Variants in CDC42BPG observed in about 807,000 individuals in gnomAD.
CDC42BPG encodes serine/threonine-protein kinase MRCK gamma.
In CDC42BPG, 157 loss-of-function variants were observed where a neutral mutation model predicts 192.2. That is an observed-to-expected ratio of 0.82 (90% CI 0.72 to 0.93). CDC42BPG has a LOEUF of 0.93. Among genes scored for constraint, CDC42BPG ranks in the 40% least tolerant of loss-of-function variants. CDC42BPG has a pLI of 0.00. For synonymous variants in CDC42BPG, 981 were observed against 918.5 expected (o/e 1.07, Z -1.23); for missense variants, 1,992 against 2,122.1 (o/e 0.94, Z 1.20).
chr11:64,827,805 C>CT, intron 30 of CDC42BPG, 22 bp from the exon 31 acceptor site: 6 of 1,576,914 alleles, frequency 3.8e-6, no homozygotes, highest in Non-Finnish European at 5.2e-6. Context: ...CCAGGCACCT[C>CT]TGAGCTGTTT....
rs1054368196 is a variant in CDC42BPG, at chr11:64,840,112, G to A, written c.581+8C>T. 1 of 1,609,894 alleles carries A rather than the reference G, an allele frequency of 6.2e-7. No individual in the cohort carries two copies. Among genetic ancestry groups the A allele is most frequent in the South Asian group, 1.1e-5 (1 of 90,732 alleles). The stretch of plus-strand genomic sequence containing the variant: ...GGGTTGGGCAGGGCAGCGGGGTTGG[G>A]GCCCCACCTGTGGACATAACCCAGC... On this transcript the variant is annotated splice_region_variant and intron_variant, in intron 5 of 36. Coordinates refer to ENST00000342711, the MANE Select transcript of CDC42BPG (RefSeq NM_017525.3).
intron 21 of CDC42BPG, 24 bp from the exon 22 acceptor site, chr11:64,833,860 A>G: frequency 1.9e-6 from 3 of 1,614,198 alleles, no homozygotes; most frequent in Non-Finnish European, 2.5e-6. Flanking sequence ...AGAGAGGAGC[A>G]AAGTCAAGGT....
At chr11:64,842,115 C>T (rs765970801) in intron 1 of CDC42BPG, among the ~76,000 whole-genome samples, 2 of 152,198 alleles carry the variant, frequency 1.3e-5, no homozygotes, top group Non-Finnish European at 2.9e-5. Flanking sequence ...GCTCAGCTGA[C>T]CGCCTGGTCC....
rs1942831284 is a variant in CDC42BPG at position 64,833,793 on chromosome 11, C to T, written c.2510G>A (p.Arg837Lys). The change falls in exon 22 of 37, where the codon AGG becomes AAG. Residue 837 changes from arginine to lysine, a missense_variant. Around this residue, in one of 2 missense-constraint regions of CDC42BPG, gnomAD observed 1,656 missense variants for 1,844.3 expected, o/e 0.90. Transcript: ENST00000342711. ...KDPGISGEAT[R>K]HGGEPDLRPE... ...CCTCAGATCTGGCTCTCCTCCATGCCTTGTGGCCTCTCCTGAGATGCCAGG... is the reference window on the plus strand; with the variant it reads ...CCTCAGATCTGGCTCTCCTCCATGCTTTGTGGCCTCTCCTGAGATGCCAGG... 1.2e-6 allele frequency: 2 copies of T among 1,614,248 alleles called. No individual in the cohort carries two copies. Among genetic ancestry groups the T allele is most frequent in the Non-Finnish European group, 1.7e-6 (2 of 1,180,040 alleles).
chr11:64,833,171 G>A, intron 24 of CDC42BPG, 60 bp downstream of exon 24: 1 of 1,363,416 alleles, frequency 7.3e-7, no homozygotes, highest in Non-Finnish European at 1.0e-6. Flanking sequence ...AAACAGCCTG[G>A]GTATGCCAGG....
intron 1 of CDC42BPG, among the ~76,000 whole-genome samples, chr11:64,843,681 G>A (rs908199448): frequency 2.0e-5 from 3 of 152,198 alleles, no homozygotes; most frequent in Admixed American, 6.5e-5. Context: ...GGGTCACCCC[G>A]GGCCAGCCAC....
intron 15 of CDC42BPG, 32 bp downstream of exon 15, chr11:64,835,468 G>A (rs769868927): frequency 2.3e-5 from 37 of 1,609,120 alleles, no homozygotes; most frequent in Non-Finnish European, 2.9e-5. Context: ...GGCCAGGCCC[G>A]GCCCCTCCCT....
chr11:64,833,711 C>T (rs1370934161), intron 22 of CDC42BPG, 27 bp downstream of exon 22: 3 of 1,613,624 alleles, frequency 1.9e-6, no homozygotes, highest in Admixed American at 1.7e-5. Flanking sequence ...GGCCCAGGCC[C>T]CCTACGATGG....
chr11:64,837,868 A>G (rs966176928), intron 9 of CDC42BPG, among the ~76,000 whole-genome samples: 2 of 152,196 alleles, frequency 1.3e-5, no homozygotes, highest in African/African-American at 2.4e-5. Context: ...CCTTCGTGGA[A>G]GGCGCCATGA....
chr11:64,831,607 G>A lies in CDC42BPG; in HGVS notation c.3202C>T (p.Leu1068=). Residue 1068 remains leucine (L), a synonymous_variant, in exon 28 of 37, where the codon CTG becomes TTG. Transcript: ENST00000342711. ...CGGGGTCTTGGCCGCGCGTCCAGCA[G>A]CAGCCGCTGCAGCTCACCCAGCACC... ...LQVLGELQRL[L]LDARPRPRPV... 1 of 1,611,322 alleles carries A rather than the reference G, an allele frequency of 6.2e-7. No individual in the cohort carries two copies. The highest frequency in any genetic ancestry group is 8.5e-7 in the Non-Finnish European group (1 of 1,179,728).
Position 64,829,671 on chromosome 11 carries a change from G to A in CDC42BPG, c.3767C>T (p.Ala1256Val), listed in dbSNP as rs543818334. The A allele has an allele frequency of 6.2e-6, 10 of 1,611,642 alleles. No individual in the cohort carries two copies. Among genetic ancestry groups the A allele is most frequent in the South Asian group, 3.3e-5 (3 of 90,996 alleles). The change falls in exon 30 of 37, where the codon GCG becomes GTG. Residue 1256 changes from alanine (A) to valine (V), a missense_variant. This residue lies in a region of CDC42BPG where 1,656 missense variants were observed against 1,844.3 expected (regional missense o/e 0.90). Transcript: ENST00000342711. ...CAAACCGGCCCCCAGCGCCAACGGC[G>A]CAGCCTCGTTGAGCAGCGGGTAGAG... Reference protein sequence around the residue: ...FALYPLLNEAAPLALGAGLVP... With the variant: ...FALYPLLNEAVPLALGAGLVP...
intron 30 of CDC42BPG, among the ~76,000 whole-genome samples, chr11:64,829,026 G>T (rs922637527): frequency 2.0e-5 from 3 of 152,130 alleles, no homozygotes; most frequent in Non-Finnish European, 4.4e-5. Context: ...CTCCAGCCTG[G>T]CGACAGAGTG....
At chr11:64,836,604 C>T (rs1943003256) in intron 11 of CDC42BPG, 74 bp from the exon 12 acceptor site, 2 of 1,420,362 alleles carry the variant, frequency 1.4e-6, no homozygotes. Flanking sequence ...GTCTCCTTGG[C>T]CTGTTTCCCA....
rs140566694 is a variant in CDC42BPG at position 64,831,612 on chromosome 11, C to A, written c.3197G>T (p.Arg1066Leu). 1.2e-6 allele frequency: 2 copies of A among 1,611,944 alleles called. No homozygotes were observed. Among genetic ancestry groups the A allele is most frequent in the East Asian group, 2.2e-5 (1 of 44,884 alleles). ...RWLQVLGELQ[R>L]LLLDARPRPR... ...TCTTGGCCGCGCGTCCAGCAGCAGC[C>A]GCTGCAGCTCACCCAGCACCTGCAG... The change falls in exon 28 of 37, where the codon CGG (arginine) becomes CTG (leucine). Residue 1066 changes from arginine (R) to leucine (L), a missense_variant. Arg to Leu is a moderately radical substitution (Grantham distance 102). Transcript: ENST00000342711.
At position 64,833,116 on chromosome 11, in the gene CDC42BPG, A is replaced by G. The variant is rs1266490674; in HGVS notation, c.2731+115T>C. 5.5e-6 allele frequency: 7 copies of G among 1,283,352 alleles called. No homozygotes were observed. The East Asian group carries it at 1.8e-4, about 33-fold the overall frequency. The allele number at this position is 1,283,352 out of a possible 1,614,324, so 79.5% of individuals were successfully genotyped here. A position where few individuals can be genotyped will look rare whatever the true frequency, so the allele number is the denominator to read the frequency against. On this transcript the variant is annotated intron_variant, in intron 24 of 36. Coordinates refer to ENST00000342711, the MANE Select transcript of CDC42BPG (RefSeq NM_017525.3). ...AGTGAGAAAAGGAACAAAGCTGAGC[A>G]GGAGGAAATTTGACCAGCAGGTGCC...
rs370299290 is a variant in CDC42BPG at position 64,833,603 on chromosome 11, A to G, written c.2622T>C (p.Ala874=). ...GCTTGCCCCTCTGGGCACTGACCTTAGCAGGAAGACCTTCTGTAGAGGCTG... is the reference window on the plus strand; with the variant it reads ...GCTTGCCCCTCTGGGCACTGACCTTGGCAGGAAGACCTTCTGTAGAGGCTG... ...ANTASTEGLP[A]KPGSHTLRPR... The change falls in exon 23 of 37, where the codon GCT becomes GCC. Residue 874 remains alanine (A), a synonymous_variant. Transcript: ENST00000342711. 15 of 1,609,528 alleles carry G rather than the reference A, an allele frequency of 9.3e-6. No individual in the cohort carries two copies. Among genetic ancestry groups the G allele is most frequent in the African/African-American group, 6.7e-5 (5 of 75,016 alleles).
chr11:64,841,734 C>G lies in CDC42BPG; in HGVS notation c.253-1G>C. On this transcript the variant is annotated splice_acceptor_variant, in intron 2 of 36. Transcript: ENST00000342711. LOFTEE classifies it high-confidence loss of function. ...TGTCCCTCTGCCTCACCACGGTGAC[C>G]TAAGGCCACAGGGAGGACCGGGGTG... 1 of 1,614,000 alleles carries G rather than the reference C, an allele frequency of 6.2e-7. No individual in the cohort carries two copies. Among genetic ancestry groups the G allele is most frequent in the Non-Finnish European group, 8.5e-7 (1 of 1,180,004 alleles).
chr11:64,828,437 G>A (rs1045122341), intron 30 of CDC42BPG, among the ~76,000 whole-genome samples: 2 of 152,238 alleles, frequency 1.3e-5, no homozygotes, highest in Non-Finnish European at 2.9e-5. Context: ...TGGAGGCGAT[G>A]AGAGCCGTGA....
chr11:64,836,348 G>A (rs758089174), intron 12 of CDC42BPG, 52 bp from the exon 13 acceptor site: 9 of 1,606,144 alleles, frequency 5.6e-6, no homozygotes, highest in South Asian at 3.3e-5. Context: ...AGTCAGGCAC[G>A]AACCGTCCAT....
Sources: gnomAD v4.1 joint callset for allele counts (sites outside exome capture counted in the v4.1 genomes callset) on GRCh38, gnomAD v4.1.1 for gene constraint, gnomAD v4.1.1 regional missense constraint, MANE v1.5 for transcripts, NCBI Gene and HGNC (gene_info 2026-07-23, HGNC 2026-07-21) for gene names.